C5orf34: variants seen among roughly 807,000 people sequenced by gnomAD.
C5orf34 encodes uncharacterized protein C5orf34.
A neutral mutation model predicts 78.4 loss-of-function variants in C5orf34; 73 were observed. The ratio of observed to expected loss-of-function variants is 0.93; its 90% confidence interval spans 0.77 to 1.13. The LOEUF is 1.13. C5orf34 is among the 50% of genes most tolerant of loss of function. The pLI is 0.00. For synonymous variants in C5orf34, 251 were observed against 246.6 expected (o/e 1.02, Z -0.17); for missense variants, 730 against 732.7 (o/e 1.00, Z 0.04).
intron 6 of C5orf34, among the ~76,000 whole-genome samples, chr5:43,499,436 GTACT>G (rs977296783): frequency 8.5e-5 from 13 of 152,156 alleles, no homozygotes; most frequent in Admixed American, 3.9e-4. Context: ...CTCTATGGAA[GTACT>G]TACACTGTGA....
chr5:43,505,616 A>T, intron 4 of C5orf34, 132 bp downstream of exon 4: 1 of 791,554 alleles, frequency 1.3e-6, no homozygotes, highest in Non-Finnish European at 2.0e-6. Context: ...GAAATTATTT[A>T]CTATCAGTTA....
Position 43,514,640 on chromosome 5 carries a change from G to A in C5orf34, c.-37+166C>T, listed in dbSNP as rs1301085926. Among the ~76,000 whole-genome samples the A allele has an allele frequency of 2.0e-5, 3 of 152,062 alleles. No homozygotes were observed. In the East Asian group the frequency reaches 5.8e-4, roughly 29 times the overall value. Reference sequence around the variant, plus strand: ...TTCTCATCTCTACAGTCTCATTCCCGCTTGCGTTCTCATCACCCAGCACAT... The same window carrying A: ...TTCTCATCTCTACAGTCTCATTCCCACTTGCGTTCTCATCACCCAGCACAT... On this transcript the variant is annotated intron_variant, in intron 1 of 12. Coordinates refer to ENST00000306862, the MANE Select transcript of C5orf34 (RefSeq NM_198566.4).
At chr5:43,495,665 C>T in intron 6 of C5orf34, 2 of 1,581,654 alleles carry the variant, frequency 1.3e-6, no homozygotes, top group Admixed American at 1.7e-5. Flanking sequence ...CTCCACTCGG[C>T]CAACAGGAAC....
rs566343494 is a variant in C5orf34 at position 43,507,874 on chromosome 5, C to T, written c.285+703G>A. ...CGGGCGGATCACGAGGTCAGGAGAT[C>T]GAGACCATGCTGGCTAACATGATGA... is the stretch of plus-strand genomic sequence containing the variant. On this transcript the variant is annotated intron_variant, in intron 3 of 12. Coordinates refer to ENST00000306862, the MANE Select transcript of C5orf34 (RefSeq NM_198566.4). Among the ~76,000 whole-genome samples, 401 of 152,018 alleles carry T rather than the reference C, an allele frequency of 2.6e-3. 2 individuals are homozygous for T. Among genetic ancestry groups the T allele is most frequent in the Non-Finnish European group, 4.9e-3 (331 of 67,946 alleles).
chr5:43,495,462 G>A lies in C5orf34; in HGVS notation c.1153-861C>T, dbSNP rs1476142066. 4 of 1,609,288 alleles carry A rather than the reference G, an allele frequency of 2.5e-6. No individual in the cohort carries two copies. The African/African-American group carries it at 5.3e-5, about 21-fold the overall frequency. ...ATGAAGTCAGCTGTTTCCATTGGTG[G>A]GTCATTTTTGCTGTCACCAGCAACG... On this transcript the variant is annotated intron_variant, in intron 6 of 12. Coordinates refer to ENST00000306862, the MANE Select transcript of C5orf34 (RefSeq NM_198566.4).
chr5:43,505,202 T>A (rs963904858), intron 4 of C5orf34, among the ~76,000 whole-genome samples: 12 of 152,254 alleles, frequency 7.9e-5, no homozygotes, highest in African/African-American at 2.4e-4. Flanking sequence ...AAAAGTTTTA[T>A]ACTTAGCCTT....
chr5:43,491,328 C>A (rs1745270598), intron 10 of C5orf34, among the ~76,000 whole-genome samples: 1 of 152,072 alleles, frequency 6.6e-6, no homozygotes, highest in Non-Finnish European at 1.5e-5. Context: ...AGCACTTAGA[C>A]TGAAACACAA....
At chr5:43,504,029 T>C (rs889826537) in intron 4 of C5orf34, among the ~76,000 whole-genome samples, 2 of 152,202 alleles carry the variant, frequency 1.3e-5, no homozygotes, top group African/African-American at 4.8e-5. Context: ...TTAGCCTGGA[T>C]TCGCTAGGCA....
intron 10 of C5orf34, among the ~76,000 whole-genome samples, chr5:43,491,930 G>A (rs942452862): frequency 4.0e-5 from 6 of 151,468 alleles, no homozygotes; most frequent in Non-Finnish European, 8.8e-5. Flanking sequence ...CTTGAACCCA[G>A]GAGGCGGAGG....
rs141100670 is a variant in C5orf34 at position 43,487,126 on chromosome 5, T to G, written c.1721-15A>C. On this transcript the variant is annotated splice_polypyrimidine_tract_variant and intron_variant, in intron 12 of 12. Transcript: ENST00000306862. ...TTCTAGTAGCACTAAGTTGCTTAGT[T>G]AAGGAGGTTTTCCCCACATTTTTCA... 43 of 1,369,882 alleles carry G rather than the reference T, an allele frequency of 3.1e-5. No individual in the cohort carries two copies. The highest frequency in any genetic ancestry group is 4.0e-5 in the Non-Finnish European group (41 of 1,020,674). 84.9% of individuals were successfully genotyped at this position (1,369,882 alleles called of 1,614,324 possible).
chr5:43,497,533 A>C (rs1341780924), intron 6 of C5orf34, among the ~76,000 whole-genome samples: 2 of 152,158 alleles, frequency 1.3e-5, no homozygotes, highest in African/African-American at 4.8e-5. Context: ...AAAGTCAGAC[A>C]GATGTGGATT....
intron 6 of C5orf34, among the ~76,000 whole-genome samples, chr5:43,496,778 G>A (rs1341930422): frequency 1.3e-5 from 2 of 151,452 alleles, no homozygotes; most frequent in African/African-American, 4.9e-5. Flanking sequence ...TAGAGGCGAG[G>A]TCTTACTATA....
chr5:43,514,911 T>G lies in C5orf34; in HGVS notation c.-142A>C, dbSNP rs1434652717. The G allele has an allele frequency of 6.6e-6, 1 of 152,152 alleles. No individual in the cohort carries two copies. The highest frequency in any genetic ancestry group is 1.5e-5 in the Non-Finnish European group (1 of 68,034). The allele number at this position is 152,152 out of a possible 1,614,324, so 9.4% of individuals were successfully genotyped here. On this transcript the variant is annotated 5_prime_UTR_variant, in exon 1 of 13. Coordinates refer to ENST00000306862, the MANE Select transcript of C5orf34 (RefSeq NM_198566.4). The stretch of plus-strand genomic sequence containing the variant: ...CGCAGCGTCGGCGCCTGCCCACCAC[T>G]GCTTCTTCAGGGGTTTCTTCAGTTT...
At position 43,509,265 on chromosome 5, in the gene C5orf34, C is replaced by T. The variant is rs1416670609; in HGVS notation, c.75G>A (p.Leu25=). 6.2e-7 allele frequency: 1 copy of T among 1,613,940 alleles called. No individual in the cohort carries two copies. The highest frequency in any genetic ancestry group is 8.5e-7 in the Non-Finnish European group (1 of 1,179,924). Reference sequence around the variant, plus strand: ...ATTCAGAGCCACAGGGAGAAAGTTGCAATGTGGAACCATCAACATATTGTA... The same window carrying T: ...ATTCAGAGCCACAGGGAGAAAGTTGTAATGTGGAACCATCAACATATTGTA... ...VQVQYVDGST[L]QLSPCGSEFL... Residue 25 remains leucine (L), a synonymous_variant, in exon 2 of 13, where the codon TTG becomes TTA. Coordinates refer to ENST00000306862, the MANE Select transcript of C5orf34 (RefSeq NM_198566.4).
In C5orf34 at chr5:43,487,014, C is replaced by G; in HGVS notation, c.1818G>C (p.Leu606Phe). 6.3e-7 allele frequency: 1 copy of G among 1,589,884 alleles called. No individual in the cohort carries two copies. The highest frequency in any genetic ancestry group is 8.6e-7 in the Non-Finnish European group (1 of 1,167,270). Residue 606 changes from leucine (L) to phenylalanine (F), a missense_variant, in exon 13 of 13, where the codon TTG becomes TTC. Leu to Phe is a conservative substitution (Grantham distance 22, BLOSUM62 0). Coordinates refer to ENST00000306862, the MANE Select transcript of C5orf34 (RefSeq NM_198566.4). ...DHYKPGSSET[L>F]LGEVNENRVS... ...CTCTATTTTCATTAACTTCTCCTAGCAAGGTTTCTGAAGATCCTGGTTTAT... is the reference window on the plus strand; with the variant it reads ...CTCTATTTTCATTAACTTCTCCTAGGAAGGTTTCTGAAGATCCTGGTTTAT...
Position 43,512,026 on chromosome 5 carries a change from T to TA in C5orf34, c.-36-2652dup, listed in dbSNP as rs11299417. ...TGAGAAACACCCAAGAATGATCAAC[T>TA]AAAAAAAAAAAAAAAAAAAAGAGTT... On this transcript the variant is annotated intron_variant, in intron 1 of 12. Transcript: ENST00000306862. 8.2e-3 allele frequency among the ~76,000 whole-genome samples: 983 copies of TA among 119,544 alleles called. 11 individuals are homozygous for TA. Among genetic ancestry groups the TA allele is most frequent in the African/African-American group, 0.027 (865 of 31,470 alleles). The allele number at this position is 119,544 out of a possible 152,430, so 78.4% of individuals were successfully genotyped here.
rs1745421156 is a variant in C5orf34, at chr5:43,494,595, CTT to C, written c.1157_1158del (p.Glu386GlyfsTer8). On this transcript the variant is annotated frameshift_variant, in exon 7 of 13. Transcript: ENST00000306862. LOFTEE classifies it high-confidence loss of function. ...AGGTTATTTACTGAGTAAGTTTTCT[CTT>C]CTCTCTGAAAATTAGTTAAAATGAA... Reference protein sequence around the residue: ...YSIQEGSGKREEKTYSVNNLP... With the variant: ...YSIQEGSGKRXEKTYSVNNLP... 2 of 1,588,246 alleles carry C rather than the reference CTT, an allele frequency of 1.3e-6. No homozygotes were observed. Among genetic ancestry groups the C allele is most frequent in the Non-Finnish European group, 1.7e-6 (2 of 1,162,642 alleles).
chr5:43,496,817 C>T (rs1745549772), intron 6 of C5orf34, among the ~76,000 whole-genome samples: 1 of 152,048 alleles, frequency 6.6e-6, no homozygotes, highest in Non-Finnish European at 1.5e-5. Context: ...AACTCCTGGG[C>T]TCAAGGGATC....
rs762169770 is a variant in C5orf34, at chr5:43,490,693, C to A, written c.1617G>T (p.Leu539=). Residue 539 remains leucine (L), a synonymous_variant, in exon 11 of 13, where the codon CTG becomes CTT. Transcript: ENST00000306862. ...GCATCTCTCTGGGACTAGTCTGGGT[C>A]AGTCTCCTGCACCATGATGTTACTG... ...VTTVTSWCRR[L]TQTSPREMPT... is the part of the protein sequence containing the mutation. 5 of 1,609,746 alleles carry A rather than the reference C, an allele frequency of 3.1e-6. No individual in the cohort carries two copies. Among genetic ancestry groups the A allele is most frequent in the South Asian group, 1.1e-5 (1 of 90,952 alleles).
Sources: gnomAD v4.1 joint callset for allele counts (sites outside exome capture counted in the v4.1 genomes callset) on GRCh38, gnomAD v4.1.1 for gene constraint, MANE v1.5 for transcripts, NCBI Gene and HGNC (gene_info 2026-07-23, HGNC 2026-07-21) for gene names.